The following TDP2 variants were observed in gnomAD, a reference collection of about 807,000 sequenced individuals.
The protein encoded by TDP2 is 5'-Tyr-DNA phosphodiesterase.
A neutral mutation model predicts 42.8 loss-of-function variants in TDP2; 38 were observed. The observed-to-expected ratio is 0.89, with a 90% CI of 0.68 to 1.16. The LOEUF (loss-of-function observed/expected upper bound fraction) is 1.16. TDP2 is among the 50% of genes most tolerant of loss of function. TDP2 has a pLI of 0.00. For synonymous variants in TDP2, 173 were observed against 150.6 expected (o/e 1.15, Z -1.09); for missense variants, 439 against 439.3 (o/e 1.00, Z 0.01).
chr6:24,665,268 AG>A (rs1344621401), intron 2 of TDP2, among the ~76,000 whole-genome samples: 12 of 152,224 alleles, frequency 7.9e-5, no homozygotes, highest in Non-Finnish European at 1.5e-4. Flanking sequence ...CCAGCTCCAT[AG>A]GAAGACTCAG....
chr6:24,651,481 G>C, intron 6 of TDP2, among the ~76,000 whole-genome samples: 1 of 152,146 alleles, frequency 6.6e-6, no homozygotes, highest in Non-Finnish European at 1.5e-5. Flanking sequence ...ACTGCCTTCA[G>C]TTTTATTTGA....
chr6:24,660,935 T>C (rs1778136487), intron 2 of TDP2, among the ~76,000 whole-genome samples: 1 of 152,220 alleles, frequency 6.6e-6, no homozygotes, highest in South Asian at 2.1e-4. Context: ...AGTGATAGTA[T>C]GTCCTCCGCA....
intron 2 of TDP2, among the ~76,000 whole-genome samples, chr6:24,662,421 ATAC>A (rs1778165725): frequency 6.6e-6 from 1 of 152,122 alleles, no homozygotes; most frequent in Non-Finnish European, 1.5e-5. Flanking sequence ...GCTGGCGGCA[ATAC>A]TACTCTTTAT....
chr6:24,662,601 G>GA (rs17243206), intron 2 of TDP2, among the ~76,000 whole-genome samples: 19,172 of 151,726 alleles, frequency 0.13, 2,199 homozygotes, highest in East Asian at 0.45. Context: ...ACCGAGATGG[G>GA]GATAGTGATC....
chr6:24,658,656 AT>A lies in TDP2; in HGVS notation c.329del (p.Asn110MetfsTer15), dbSNP rs1562148800. The A allele has an allele frequency of 1.2e-6, 2 of 1,613,952 alleles. No homozygotes were observed. The highest frequency in any genetic ancestry group is 1.7e-6 in the Non-Finnish European group (2 of 1,179,880). On this transcript the variant is annotated frameshift_variant, in exon 3 of 7. Transcript: ENST00000378198. LOFTEE classifies it high-confidence loss of function. ...ISPSEDTQQE[N>X]GSMFSLITWN... ...AGGTAATGAGAGAGAACATGCTGCC[AT>A]TTTCTTGCTGAGTATCTTCAGATGG...
intron 2 of TDP2, among the ~76,000 whole-genome samples, chr6:24,661,206 T>C (rs1223316059): frequency 6.6e-6 from 1 of 152,228 alleles, no homozygotes; most frequent in Admixed American, 6.5e-5. Context: ...AAGATTTTTT[T>C]CTAATTCCTC....
chr6:24,658,004 C>A, intron 3 of TDP2, 101 bp from the exon 4 acceptor site: 1 of 700,598 alleles, frequency 1.4e-6, no homozygotes, highest in South Asian at 1.8e-5. Context: ...ACAAAAAACC[C>A]TCTAGGGCAC....
chr6:24,661,643 G>C (rs186947688), intron 2 of TDP2, among the ~76,000 whole-genome samples: 1 of 152,158 alleles, frequency 6.6e-6, no homozygotes, highest in African/African-American at 2.4e-5. Context: ...CTGGGTGCTA[G>C]ATGAACTTAA....
intron 5 of TDP2, among the ~76,000 whole-genome samples, chr6:24,653,496 T>G (rs982480211): frequency 6.6e-6 from 1 of 152,140 alleles, no homozygotes; most frequent in Non-Finnish European, 1.5e-5. Context: ...GACAATTATT[T>G]CCCTCCTACA....
In TDP2 at chr6:24,654,583, A is replaced by G. The variant is rs539962817; in HGVS notation, c.518-53T>C. 5.2e-5 allele frequency: 51 copies of G among 974,164 alleles called. No homozygotes were observed. The African/African-American group carries it at 7.6e-4, about 15-fold the overall frequency. The allele number at this position is 974,164 out of a possible 1,614,324, so 60.3% of individuals were successfully genotyped here. A position where few individuals can be genotyped will look rare whatever the true frequency, so the allele number is the denominator to read the frequency against. Reference sequence around the variant, plus strand: ...GGCTGAGAAGGTGAGAGTTATTTTCAGTTTACCACAAGTTTGCCTATTGAA... The same window carrying G: ...GGCTGAGAAGGTGAGAGTTATTTTCGGTTTACCACAAGTTTGCCTATTGAA... On this transcript the variant is annotated intron_variant, in intron 4 of 6. Transcript: ENST00000378198.
intron 2 of TDP2, among the ~76,000 whole-genome samples, chr6:24,665,475 A>G (rs17249862): frequency 0.013 from 1,943 of 152,372 alleles, 33 homozygotes; most frequent in African/African-American, 0.034. Flanking sequence ...ATCTTATCAC[A>G]TCTGTAAGCC....
At chr6:24,664,883 C>T (rs1300560621) in intron 2 of TDP2, among the ~76,000 whole-genome samples, 1 of 152,140 alleles carries the variant, frequency 6.6e-6, no homozygotes, top group African/African-American at 2.4e-5. Context: ...TTTACCATTC[C>T]GGGGTAAGAG....
At chr6:24,654,129 T>C (rs758047208) in intron 5 of TDP2, among the ~76,000 whole-genome samples, 3 of 152,310 alleles carry the variant, frequency 2.0e-5, no homozygotes, top group Admixed American at 1.3e-4. Flanking sequence ...GAGTAAAATA[T>C]AGCAGCATGT....
At chr6:24,663,410 A>G (rs901091378) in intron 2 of TDP2, among the ~76,000 whole-genome samples, 3 of 152,250 alleles carry the variant, frequency 2.0e-5, no homozygotes, top group African/African-American at 7.2e-5. Flanking sequence ...TTTTGGCTCC[A>G]GAGTCCATGC....
rs1274889355 is a variant in TDP2 at position 24,650,690 on chromosome 6, G to C, written c.*98C>G. 9 of 1,198,816 alleles carry C rather than the reference G, an allele frequency of 7.5e-6. No individual in the cohort carries two copies. Among genetic ancestry groups the C allele is most frequent in the Non-Finnish European group, 9.4e-6 (8 of 850,478 alleles). 74.3% of individuals were successfully genotyped at this position (1,198,816 alleles called of 1,614,324 possible). A position where few individuals can be genotyped will look rare whatever the true frequency, so the allele number is the denominator to read the frequency against. ...TCATAGTTGGTTTTTCTGTGACAAT[G>C]ATCTAGTACATTATTTCCTCCACAG... On this transcript the variant is annotated 3_prime_UTR_variant, in exon 7 of 7. Coordinates refer to ENST00000378198, the MANE Select transcript of TDP2 (RefSeq NM_016614.3).
chr6:24,666,371 C>A, intron 2 of TDP2, 155 bp downstream of exon 2: 1 of 1,421,260 alleles, frequency 7.0e-7, no homozygotes. Context: ...CTCCGCGCAG[C>A]AGCAGCAACG....
rs1017235812 is a variant in TDP2 at position 24,652,738 on chromosome 6, T to C, written c.807+245A>G. On this transcript the variant is annotated intron_variant, in intron 6 of 6. Coordinates refer to ENST00000378198, the MANE Select transcript of TDP2 (RefSeq NM_016614.3). ...CTTTCTAATCCTATATATATATATATACACACACACATATAGTTTAGTGTT... is the reference window on the plus strand; with the variant it reads ...CTTTCTAATCCTATATATATATATACACACACACACATATAGTTTAGTGTT... Among the ~76,000 whole-genome samples, 16 of 151,968 alleles carry C rather than the reference T, an allele frequency of 1.1e-4. No individual in the cohort carries two copies. In the South Asian group the frequency reaches 1.2e-3, roughly 12 times the overall value.
In TDP2 at chr6:24,650,503, T is replaced by C. The variant is rs1047782; in HGVS notation, c.*285A>G. On this transcript the variant is annotated 3_prime_UTR_variant, in exon 7 of 7. Transcript: ENST00000378198. ...TATAAACATTAGCTCAGAGACAATG[T>C]GGTACCTGTTTGGAATCCAGCTGGC... The C allele has an allele frequency of 1.8e-4, 69 of 383,584 alleles. No homozygotes were observed. Among genetic ancestry groups the C allele is most frequent in the Non-Finnish European group, 2.8e-4 (60 of 213,196 alleles). The allele number at this position is 383,584 out of a possible 1,614,324, so 23.8% of individuals were successfully genotyped here.
chr6:24,664,500 T>TA (rs17249869), intron 2 of TDP2, among the ~76,000 whole-genome samples: 1,935 of 152,182 alleles, frequency 0.013, 33 homozygotes, highest in African/African-American at 0.034. Context: ...ACACTGAAGA[T>TA]AGATTCTAAT....
Sources: allele counts gnomAD v4.1 joint callset (sites outside exome capture counted in the v4.1 genomes callset), GRCh38; gene constraint gnomAD v4.1.1; transcripts MANE v1.5; gene names NCBI Gene and HGNC (gene_info 2026-07-23, HGNC 2026-07-21).